GRIK4: variants seen among roughly 807,000 people sequenced by gnomAD.
The protein encoded by GRIK4 is glutamate receptor ionotropic, kainate 4.
A neutral mutation model predicts 104.9 loss-of-function variants in GRIK4; 40 were observed. The ratio of observed to expected loss-of-function variants is 0.38; its 90% confidence interval spans 0.30 to 0.50. GRIK4 has a LOEUF of 0.50. Ranked by LOEUF, GRIK4 falls within the 20% of genes least tolerant of loss-of-function variation. GRIK4 has a pLI of 0.93. For synonymous variants in GRIK4, 485 were observed against 524.9 expected (o/e 0.92, Z 1.04); for missense variants, 1,047 against 1,308.1 (o/e 0.80, Z 3.08).
At chr11:120,714,591 A>T (rs1939664) in intron 3 of GRIK4, among the ~76,000 whole-genome samples, 65,929 of 151,946 alleles carry the variant, frequency 0.43, 15,165 homozygotes, top group South Asian at 0.55. Context: ...TAGAGGAAGT[A>T]TGAAGTACTA....
At chr11:120,896,140 G>C (rs552269682) in intron 11 of GRIK4, among the ~76,000 whole-genome samples, 1 of 152,350 alleles carries the variant, frequency 6.6e-6, no homozygotes, top group African/African-American at 2.4e-5. Context: ...CACACAGGCT[G>C]CTCATGGGGA....
intron 3 of GRIK4, among the ~76,000 whole-genome samples, chr11:120,707,146 A>G (rs1950645191): frequency 6.6e-6 from 1 of 152,192 alleles, no homozygotes; most frequent in Non-Finnish European, 1.5e-5. Context: ...GGCCATTTAC[A>G]GAGGCCTGGA....
At chr11:120,864,015 A>G (rs145332630) in intron 9 of GRIK4, among the ~76,000 whole-genome samples, 1 of 152,072 alleles carries the variant, frequency 6.6e-6, no homozygotes, top group Non-Finnish European at 1.5e-5. Context: ...AGAGGCAAAA[A>G]TCCATGGGAA....
chr11:120,930,028 C>T (rs1943451177), intron 13 of GRIK4, among the ~76,000 whole-genome samples: 1 of 152,038 alleles, frequency 6.6e-6, no homozygotes, highest in Admixed American at 6.5e-5. Context: ...TCCTTACCCA[C>T]GCTGTTGGCT....
chr11:120,668,101 G>GGATAGATAGATA lies in GRIK4; in HGVS notation c.82+7738_82+7749dup, dbSNP rs60323501. 1.5e-3 allele frequency among the ~76,000 whole-genome samples: 223 copies of GGATAGATAGATA among 144,210 alleles called. 1 individual carries two copies. The highest frequency in any genetic ancestry group is 1.9e-3 in the East Asian group (9 of 4,764). The allele number at this position is 144,210 out of a possible 152,430, so 94.6% of individuals were successfully genotyped here. On this transcript the variant is annotated intron_variant, in intron 3 of 20. Transcript: ENST00000527524. Reference sequence around the variant, plus strand: ...CTGTCTCATAGATGGATAGATAGATGGATAGATAGATAGATAGATAGATAG... The same window carrying GGATAGATAGATA: ...CTGTCTCATAGATGGATAGATAGATGGATAGATAGATAGATAGATAGATAGATAGATAGATAG...
chr11:120,859,765 T>TTC, intron 8 of GRIK4, among the ~76,000 whole-genome samples: 1 of 152,318 alleles, frequency 6.6e-6, no homozygotes, highest in Admixed American at 6.5e-5. Context: ...GGAGATAATA[T>TTC]CAGTGTAGGA....
Position 120,871,453 on chromosome 11 carries a change from A to G in GRIK4, c.907-2613A>G, listed in dbSNP as rs143766250. On this transcript the variant is annotated intron_variant, in intron 9 of 20. Transcript: ENST00000527524. ...AGCAGGGAAGCAGAGAAGAGAGAGT[A>G]GAAGATGATGGATGGAGGGACTCGG... 6.6e-4 allele frequency: 248 copies of G among 374,798 alleles called. 1 individual carries two copies. Among genetic ancestry groups the G allele is most frequent in the African/African-American group, 5.0e-3 (239 of 47,664 alleles). The allele number at this position is 374,798 out of a possible 1,614,324, so 23.2% of individuals were successfully genotyped here.
chr11:120,962,650 C>T lies in GRIK4; in HGVS notation c.2235C>T (p.Asp745=). 1.9e-6 allele frequency: 3 copies of T among 1,613,906 alleles called. No homozygotes were observed. Among genetic ancestry groups the T allele is most frequent in the South Asian group, 2.2e-5 (2 of 91,066 alleles). ...CNLTQIGGLL[D]TKGYGIGMPV... ...TCACTCAGATTGGGGGCCTGCTGGACACCAAGGGCTATGGGATTGGCATGC... is the reference window on the plus strand; with the variant it reads ...TCACTCAGATTGGGGGCCTGCTGGATACCAAGGGCTATGGGATTGGCATGC... The change falls in exon 18 of 21, where the codon GAC becomes GAT. Residue 745 remains aspartate, a synonymous_variant. Coordinates refer to ENST00000527524, the MANE Select transcript of GRIK4 (RefSeq NM_014619.5).
intron 3 of GRIK4, among the ~76,000 whole-genome samples, chr11:120,694,520 C>T (rs1412077369): frequency 1.3e-5 from 2 of 152,194 alleles, no homozygotes; most frequent in Non-Finnish European, 2.9e-5. Context: ...TCTGTTTCCC[C>T]ACCCACCCCC....
chr11:120,808,421 A>G (rs144883061), intron 4 of GRIK4, among the ~76,000 whole-genome samples: 51 of 152,352 alleles, frequency 3.3e-4, no homozygotes, highest in African/African-American at 1.0e-3. Flanking sequence ...TTCAGGTGGC[A>G]CATGTGCCTG....
intron 1 of GRIK4, among the ~76,000 whole-genome samples, chr11:120,613,559 G>A (rs946722496): frequency 2.0e-5 from 3 of 152,240 alleles, no homozygotes; most frequent in Non-Finnish European, 2.9e-5. Flanking sequence ...ATGTGTTTGC[G>A]TGTGTGCATG....
chr11:120,710,718 G>A (rs1015767195), intron 3 of GRIK4, among the ~76,000 whole-genome samples: 1 of 152,240 alleles, frequency 6.6e-6, no homozygotes, highest in African/African-American at 2.4e-5. Context: ...GCTTGACCTT[G>A]AGCCTTGCAC....
intron 1 of GRIK4, among the ~76,000 whole-genome samples, chr11:120,584,770 G>A (rs942168489): frequency 7.9e-5 from 12 of 152,210 alleles, no homozygotes; most frequent in Admixed American, 6.5e-4. Flanking sequence ...TTGTTAACAC[G>A]AAATGATGTT....
At chr11:120,937,093 G>A (rs934837300) in intron 13 of GRIK4, among the ~76,000 whole-genome samples, 3 of 152,006 alleles carry the variant, frequency 2.0e-5, no homozygotes, top group Non-Finnish European at 4.4e-5. Flanking sequence ...GCTGGAGTGC[G>A]GTGGCACGAT....
intron 13 of GRIK4, among the ~76,000 whole-genome samples, chr11:120,910,152 G>A (rs954319371): frequency 6.6e-6 from 1 of 152,160 alleles, no homozygotes; most frequent in Non-Finnish European, 1.5e-5. Flanking sequence ...TTTCTTCCCA[G>A]CCTTCAGAAC....
At chr11:120,917,270 AAAGAAAGAAAG>A (rs1943128851) in intron 13 of GRIK4, among the ~76,000 whole-genome samples, 4 of 134,246 alleles carry the variant, frequency 3.0e-5, no homozygotes, top group East Asian at 2.1e-4. Flanking sequence ...AAAAAAAAAA[AAAGAAAGAAAG>A]AAAGAAAGAA....
intron 1 of GRIK4, among the ~76,000 whole-genome samples, chr11:120,636,291 C>T (rs1949395757): frequency 6.6e-6 from 1 of 152,158 alleles, no homozygotes; most frequent in Admixed American, 6.5e-5. Context: ...TCTTCTGACC[C>T]CTACCCCAGG....
At chr11:120,515,601 G>C (rs4938811) in intron 1 of GRIK4, among the ~76,000 whole-genome samples, 46,797 of 152,064 alleles carry the variant, frequency 0.31, 10,975 homozygotes, top group African/African-American at 0.64. Flanking sequence ...CCCACCCAGA[G>C]GGCAGATTCC....
chr11:120,623,600 A>G (rs1949216877), intron 1 of GRIK4, among the ~76,000 whole-genome samples: 1 of 152,106 alleles, frequency 6.6e-6, no homozygotes, highest in South Asian at 2.1e-4. Context: ...ATTCTCTTCT[A>G]TTTCATTAAA....
Sources: gnomAD v4.1 joint callset for allele counts (sites outside exome capture counted in the v4.1 genomes callset) on GRCh38, gnomAD v4.1.1 for gene constraint, MANE v1.5 for transcripts, NCBI Gene and HGNC (gene_info 2026-07-23, HGNC 2026-07-21) for gene names.